PPARGC1A: variants seen among roughly 807,000 people sequenced by gnomAD.
PPARGC1A encodes peroxisome proliferator-activated receptor gamma coactivator 1-alpha.
PPARGC1A carries 25 observed loss-of-function variants against 88.7 expected under a neutral mutation model. The observed-to-expected ratio is 0.28, with a 90% CI of 0.21 to 0.39. The LOEUF (loss-of-function observed/expected upper bound fraction) is 0.39, where lower values mean the gene tolerates loss of function less well. PPARGC1A is among the 10% of genes least tolerant of loss of function. PPARGC1A has a pLI of 1.00. For synonymous variants in PPARGC1A, 363 were observed against 355.6 expected (o/e 1.02, Z -0.24); for missense variants, 880 against 968.7 (o/e 0.91, Z 1.22).
chr4:24,020,951 C>G, the PPARGC1A span, among the ~76,000 whole-genome samples: 2 of 152,194 alleles, frequency 1.3e-5, no homozygotes, highest in African/African-American at 4.8e-5. Flanking sequence ...TCTGCTCAGG[C>G]CAGTGTGGCA....
chr4:24,375,840 A>G, the PPARGC1A span, among the ~76,000 whole-genome samples: 1 of 152,178 alleles, frequency 6.6e-6, no homozygotes, highest in East Asian at 1.9e-4. Context: ...CTATAAAGAG[A>G]GCAAACCCAA....
chr4:24,053,354 G>A, the PPARGC1A span, among the ~76,000 whole-genome samples: 2 of 152,166 alleles, frequency 1.3e-5, no homozygotes, highest in African/African-American at 4.8e-5. Context: ...GTTGTGCAAT[G>A]ACCATAGACA....
the PPARGC1A span, among the ~76,000 whole-genome samples, chr4:24,444,660 T>C: frequency 2.0e-5 from 3 of 152,176 alleles, no homozygotes; most frequent in African/African-American, 7.2e-5. Flanking sequence ...AAAGTCAGGA[T>C]TGGCCTCCTA....
At chr4:23,828,256 C>T (rs749354685) in intron 5 of PPARGC1A, 144 bp downstream of exon 5, 27 of 828,024 alleles carry the variant, frequency 3.3e-5, no homozygotes, top group Middle Eastern at 7.4e-4. Context: ...TTTCTTCCCC[C>T]GCTCTGTAAT....
the PPARGC1A span, among the ~76,000 whole-genome samples, chr4:24,136,854 G>A: frequency 3.9e-5 from 6 of 152,180 alleles, no homozygotes; most frequent in East Asian, 7.7e-4. Context: ...AGTGGCTCAC[G>A]CCTGTAATCC....
intron 8 of PPARGC1A, 22 bp downstream of exon 8, chr4:23,813,668 T>C (rs767491733): frequency 2.0e-6 from 3 of 1,495,320 alleles, no homozygotes; most frequent in African/African-American, 2.8e-5. Context: ...TTTTGTGTTA[T>C]TAGGGTTTTG....
the PPARGC1A span, among the ~76,000 whole-genome samples, chr4:23,932,399 T>A: frequency 6.6e-6 from 1 of 152,178 alleles, no homozygotes; most frequent in African/African-American, 2.4e-5. Flanking sequence ...ACGTCTCCAG[T>A]GGCTTTTCCC....
chr4:24,205,127 A>G, the PPARGC1A span, among the ~76,000 whole-genome samples: 1 of 152,168 alleles, frequency 6.6e-6, no homozygotes, highest in East Asian at 1.9e-4. Context: ...ACCCAGCCTC[A>G]TGCAAGTTTA....
the PPARGC1A span, among the ~76,000 whole-genome samples, chr4:24,290,546 A>T: frequency 0.023 from 3,527 of 152,252 alleles, 108 homozygotes; most frequent in African/African-American, 0.08. Context: ...TAATCCAAAT[A>T]AAGTGCTGAA....
the PPARGC1A span, among the ~76,000 whole-genome samples, chr4:24,169,093 C>T: frequency 6.6e-6 from 1 of 152,146 alleles, no homozygotes; most frequent in Non-Finnish European, 1.5e-5. Flanking sequence ...ATGTTTGTGA[C>T]CTTGATAGGA....
chr4:23,868,876 C>T (rs868785049), intron 2 of PPARGC1A, among the ~76,000 whole-genome samples: 10 of 152,228 alleles, frequency 6.6e-5, no homozygotes, highest in Middle Eastern at 3.2e-3. Flanking sequence ...CCTTAAGACT[C>T]ATTTCCAATG....
the PPARGC1A span, among the ~76,000 whole-genome samples, chr4:24,387,203 G>C: frequency 6.6e-6 from 1 of 152,212 alleles, no homozygotes; most frequent in Non-Finnish European, 1.5e-5. Flanking sequence ...GAAAACTGAA[G>C]CTGGACCCTT....
chr4:24,346,220 G>C, the PPARGC1A span, among the ~76,000 whole-genome samples: 1 of 152,112 alleles, frequency 6.6e-6, no homozygotes, highest in East Asian at 1.9e-4. Context: ...ATGTTCATCA[G>C]GGATATCAGT....
At chr4:24,464,600 T>G in the PPARGC1A span, among the ~76,000 whole-genome samples, 1 of 152,216 alleles carries the variant, frequency 6.6e-6, no homozygotes, top group Non-Finnish European at 1.5e-5. Flanking sequence ...AGAGATTACA[T>G]GGATGTCTTG....
intron 2 of PPARGC1A, among the ~76,000 whole-genome samples, chr4:23,848,319 C>T (rs1277814470): frequency 3.3e-5 from 5 of 152,084 alleles, no homozygotes; most frequent in African/African-American, 9.7e-5. Context: ...CTATAACAAC[C>T]GGCATAAAAA....
At chr4:24,049,802 T>C in the PPARGC1A span, among the ~76,000 whole-genome samples, 1 of 152,134 alleles carries the variant, frequency 6.6e-6, no homozygotes, top group East Asian at 1.9e-4. Flanking sequence ...GCGTGCCCTT[T>C]TGAGACACTG....
chr4:24,223,910 A>G, the PPARGC1A span, among the ~76,000 whole-genome samples: 1 of 152,236 alleles, frequency 6.6e-6, no homozygotes, highest in Non-Finnish European at 1.5e-5. Flanking sequence ...CACATGTGTT[A>G]ACAGTTTTCC....
chr4:24,387,746 A>AGAGAG, the PPARGC1A span, among the ~76,000 whole-genome samples: 5 of 61,170 alleles, frequency 8.2e-5, no homozygotes, highest in South Asian at 6.5e-4. Context: ...GAAAGAAAGA[A>AGAGAG]AGAGAGAGAG....
At chr4:24,425,579 T>C in the PPARGC1A span, among the ~76,000 whole-genome samples, 1 of 152,140 alleles carries the variant, frequency 6.6e-6, no homozygotes, top group South Asian at 2.1e-4. Context: ...GTCCAGATAG[T>C]GATGAAAACA....
Sources: gnomAD v4.1 joint callset for allele counts (sites outside exome capture counted in the v4.1 genomes callset) on GRCh38, gnomAD v4.1.1 for gene constraint, MANE v1.5 for transcripts, NCBI Gene and HGNC (gene_info 2026-07-23, HGNC 2026-07-21) for gene names.